The following SFMBT1 variants were observed in gnomAD, a reference collection of about 807,000 sequenced individuals.
SFMBT1 encodes Scm like with four mbt domains 1.
SFMBT1 carries 32 observed loss-of-function variants against 108.7 expected under a neutral mutation model. The ratio of observed to expected loss-of-function variants is 0.29; its 90% confidence interval spans 0.22 to 0.40. SFMBT1 has a LOEUF of 0.40. Ranked by LOEUF, SFMBT1 falls within the 10% of genes least tolerant of loss-of-function variation. SFMBT1 has a pLI of 1.00. For synonymous variants in SFMBT1, 348 were observed against 369.5 expected, an observed-to-expected ratio of 0.94 and a Z score of 0.67; for missense variants, 816 against 1,059.6, an observed-to-expected ratio of 0.77 and a Z score of 3.19.
In SFMBT1 at chr3:52,907,261, T is replaced by A. The variant is rs144573689; in HGVS notation, c.2139A>T (p.Leu713=). ...GCTGCTCGGATGTACTGCCTTCACT[T>A]AGGGAATCATCATCCCCTTCATCTG... is the stretch of plus-strand genomic sequence containing the variant. The part of the protein sequence containing the change: ...DDPDEGDDDS[L]SEGSTSEQQD... The change falls in exon 19 of 21, where the codon CTA becomes CTT. Residue 713 remains leucine (L), a synonymous_variant. Transcript: ENST00000394752. 3.8e-5 allele frequency: 62 copies of A among 1,613,928 alleles called. No individual in the cohort carries two copies. The African/African-American group carries it at 7.7e-4, about 20-fold the overall frequency.
intron 9 of SFMBT1, among the ~76,000 whole-genome samples, chr3:52,927,250 C>G (rs1017548619): frequency 6.6e-6 from 1 of 152,138 alleles, no homozygotes; most frequent in Non-Finnish European, 1.5e-5. Flanking sequence ...CCTATTTGCC[C>G]CTTGAAGGGA....
intron 8 of SFMBT1, 162 bp from the exon 9 acceptor site, chr3:52,928,503 TTTTAA>T (rs1702728816): frequency 1.5e-6 from 1 of 674,392 alleles, no homozygotes; most frequent in Non-Finnish European, 2.3e-6. Context: ...ATAATTACTG[TTTTAA>T]TTAAATGCTT....
At chr3:52,974,036 G>A (rs1704434681) in intron 1 of SFMBT1, among the ~76,000 whole-genome samples, 1 of 152,138 alleles carries the variant, frequency 6.6e-6, no homozygotes, top group South Asian at 2.1e-4. Context: ...AAATTTCTGT[G>A]GGAAGTATCC....
chr3:52,968,542 A>G (rs1704223891), intron 2 of SFMBT1, among the ~76,000 whole-genome samples: 1 of 152,172 alleles, frequency 6.6e-6, no homozygotes. Context: ...AAATAACTAG[A>G]AAGTAATCAT....
intron 17 of SFMBT1, among the ~76,000 whole-genome samples, chr3:52,909,137 A>G (rs1486370718): frequency 6.6e-6 from 1 of 152,256 alleles, no homozygotes; most frequent in Non-Finnish European, 1.5e-5. Flanking sequence ...ATTTGACATC[A>G]TTCAAATTAC....
chr3:53,041,911 G>A (rs1297882800), intron 1 of SFMBT1, among the ~76,000 whole-genome samples: 1 of 151,934 alleles, frequency 6.6e-6, no homozygotes, highest in Non-Finnish European at 1.5e-5. Flanking sequence ...TCCCAGTTAG[G>A]TAACGAATGC....
intron 1 of SFMBT1, among the ~76,000 whole-genome samples, chr3:53,028,212 G>C (rs35234873): frequency 0.038 from 5,765 of 152,228 alleles, 155 homozygotes; most frequent in Non-Finnish European, 0.061. Flanking sequence ...CACCTGAGTA[G>C]CTGAGACTAC....
chr3:52,963,048 T>C (rs879800567), intron 2 of SFMBT1, among the ~76,000 whole-genome samples: 11 of 150,462 alleles, frequency 7.3e-5, no homozygotes, highest in Non-Finnish European at 1.0e-4. Flanking sequence ...GGCTGGAATG[T>C]GGTGGTGCGA....
intron 1 of SFMBT1, among the ~76,000 whole-genome samples, chr3:52,985,485 T>G (rs982353874): frequency 4.6e-5 from 7 of 152,232 alleles, no homozygotes; most frequent in Admixed American, 2.0e-4. Context: ...AAGCTTAATA[T>G]TTAAGTGTTT....
intron 12 of SFMBT1, 29 bp from the exon 13 acceptor site, chr3:52,918,555 C>T (rs184434476): frequency 4.2e-6 from 6 of 1,416,346 alleles, no homozygotes; most frequent in Admixed American, 2.4e-5. Flanking sequence ...ATATAAATGC[C>T]AAGAAAAATA....
At chr3:52,968,630 C>T (rs1295519657) in intron 2 of SFMBT1, among the ~76,000 whole-genome samples, 1 of 143,630 alleles carries the variant, frequency 7.0e-6, no homozygotes, top group Admixed American at 7.1e-5. Context: ...GAAGGAGTCT[C>T]GCTCTGTTGC....
chr3:52,918,658 T>C (rs1014669024), intron 12 of SFMBT1, 132 bp from the exon 13 acceptor site: 1 of 436,820 alleles, frequency 2.3e-6, no homozygotes, highest in African/African-American at 2.1e-5. Flanking sequence ...TATGTGTGTG[T>C]GTATATATAT....
At chr3:52,988,812 G>C (rs976251770) in intron 1 of SFMBT1, among the ~76,000 whole-genome samples, 2 of 152,208 alleles carry the variant, frequency 1.3e-5, no homozygotes, top group African/African-American at 2.4e-5. Context: ...AGACTTATAT[G>C]CAAGATGTAA....
intron 13 of SFMBT1, 141 bp from the exon 14 acceptor site, chr3:52,916,355 ACTT>A: frequency 1.3e-5 from 6 of 450,930 alleles, no homozygotes; most frequent in Non-Finnish European, 1.9e-5. Flanking sequence ...CCTTGATGAT[ACTT>A]TTTTTTTTTT....
chr3:52,920,452 A>C (rs1459899395), intron 12 of SFMBT1, 85 bp downstream of exon 12: 1 of 928,624 alleles, frequency 1.1e-6, no homozygotes, highest in Non-Finnish European at 1.7e-6. Context: ...TTTTTCTCTG[A>C]AATGTCCAGA....
At chr3:52,921,666 G>C (rs999226946) in intron 11 of SFMBT1, 39 bp downstream of exon 11, 4 of 1,603,940 alleles carry the variant, frequency 2.5e-6, no homozygotes, top group Admixed American at 1.7e-5. Flanking sequence ...GCTCAAAGGA[G>C]AGTGGCCACA....
At chr3:52,907,856 CAT>C (rs1330132209) in intron 17 of SFMBT1, 123 bp from the exon 18 acceptor site, 6 of 881,946 alleles carry the variant, frequency 6.8e-6, no homozygotes, top group African/African-American at 1.7e-5. Flanking sequence ...GTTTAAATTC[CAT>C]AGAGTGGAAT....
At chr3:53,012,817 A>T (rs2106930561) in intron 1 of SFMBT1, among the ~76,000 whole-genome samples, 1 of 151,838 alleles carries the variant, frequency 6.6e-6, no homozygotes, top group South Asian at 2.1e-4. Flanking sequence ...ATTATGGGAA[A>T]ATGGAAGACA....
intron 2 of SFMBT1, among the ~76,000 whole-genome samples, chr3:52,967,421 A>C (rs1283580818): frequency 1.3e-5 from 2 of 152,176 alleles, no homozygotes; most frequent in Admixed American, 1.3e-4. Context: ...GTCTGGGTGG[A>C]AAAGGAAATG....
Sources: gnomAD v4.1 joint callset for allele counts (sites outside exome capture counted in the v4.1 genomes callset) on GRCh38, gnomAD v4.1.1 for gene constraint, MANE v1.5 for transcripts, NCBI Gene and HGNC (gene_info 2026-07-23, HGNC 2026-07-21) for gene names.